The following RCOR1 variants were observed in gnomAD, a reference collection of about 807,000 sequenced individuals.
The protein encoded by RCOR1 is REST corepressor.
A neutral mutation model predicts 64.0 loss-of-function variants in RCOR1; 12 were observed. The observed-to-expected ratio is 0.19, with a 90% CI of 0.12 to 0.30. RCOR1 has a LOEUF of 0.30. Among genes scored for constraint, RCOR1 ranks in the 10% least tolerant of loss-of-function variants. RCOR1 has a pLI of 1.00. For missense variants in RCOR1, 502 were observed against 621.2 expected (o/e 0.81, Z 2.04); for synonymous variants, 279 against 227.2 (o/e 1.23, Z -2.05).
chr14:102,692,968 G>GT (rs1220220357), intron 3 of RCOR1, among the ~76,000 whole-genome samples: 1 of 151,940 alleles, frequency 6.6e-6, no homozygotes. Context: ...GTTTCACCAT[G>GT]TTGGCCAGGC....
chr14:102,662,542 C>T, intron 2 of RCOR1: 1 of 490,354 alleles, frequency 2.0e-6, no homozygotes, highest in Non-Finnish European at 4.0e-6. Flanking sequence ...ATTTGGGCTG[C>T]CCCTGGAGTC....
At chr14:102,686,140 G>A (rs1895413021) in intron 3 of RCOR1, among the ~76,000 whole-genome samples, 2 of 152,022 alleles carry the variant, frequency 1.3e-5, no homozygotes, top group Admixed American at 6.5e-5. Context: ...TGGCTCTGTT[G>A]TCCATGCTGG....
intron 2 of RCOR1, among the ~76,000 whole-genome samples, chr14:102,648,776 C>T (rs1455367473): frequency 6.6e-6 from 1 of 152,196 alleles, no homozygotes; most frequent in East Asian, 1.9e-4. Context: ...TCTTGGTTCT[C>T]ATCCTTAATA....
chr14:102,724,258 T>G (rs74084136), intron 11 of RCOR1, among the ~76,000 whole-genome samples: 1,553 of 152,302 alleles, frequency 0.01, 30 homozygotes, highest in African/African-American at 0.036. Flanking sequence ...TTTAGTTTCA[T>G]AGTCCTTATA....
Position 102,703,326 on chromosome 14 carries a change from A to G in RCOR1, c.498+1996A>G, listed in dbSNP as rs80231585. ...GAAATAATGGCCAAAAATTTCGCAA[A>G]TTTGTTGAAAGATGTGAATATAAAC... On this transcript the variant is annotated intron_variant, in intron 4 of 11. Coordinates refer to ENST00000262241, the MANE Select transcript of RCOR1 (RefSeq NM_015156.4). 6.1e-3 allele frequency among the ~76,000 whole-genome samples: 929 copies of G among 152,338 alleles called. 14 individuals are homozygous for G. Among genetic ancestry groups the G allele is most frequent in the African/African-American group, 0.021 (885 of 41,572 alleles).
At chr14:102,667,361 C>A (rs1260242196) in intron 2 of RCOR1, among the ~76,000 whole-genome samples, 1 of 151,822 alleles carries the variant, frequency 6.6e-6, no homozygotes, top group Non-Finnish European at 1.5e-5. Context: ...ACTAGCCGGG[C>A]GTGGTGGTGG....
intron 2 of RCOR1, among the ~76,000 whole-genome samples, chr14:102,635,275 G>A (rs796840919): frequency 3.7e-4 from 56 of 152,264 alleles, no homozygotes; most frequent in African/African-American, 1.3e-3. Flanking sequence ...CGGCCCAGGC[G>A]GGTGGATCAC....
intron 2 of RCOR1, chr14:102,658,593 C>A: frequency 1.0e-6 from 1 of 985,430 alleles, no homozygotes; most frequent in Non-Finnish European, 1.2e-6. Flanking sequence ...TACCCCCCAT[C>A]CTTTTCCTGT....
intron 2 of RCOR1, among the ~76,000 whole-genome samples, chr14:102,624,773 GAA>G (rs548109072): frequency 1.5e-5 from 2 of 136,046 alleles, no homozygotes; most frequent in African/African-American, 2.7e-5. Flanking sequence ...CTCCTCCTCA[GAA>G]AAAAAAAAAA....
intron 8 of RCOR1, among the ~76,000 whole-genome samples, chr14:102,717,549 T>C (rs1186454872): frequency 6.6e-6 from 1 of 152,178 alleles, no homozygotes; most frequent in Non-Finnish European, 1.5e-5. Context: ...ACAGAATATG[T>C]CTGGGCTACT....
chr14:102,672,516 G>A (rs1895050975), intron 2 of RCOR1, among the ~76,000 whole-genome samples: 1 of 152,016 alleles, frequency 6.6e-6, no homozygotes, highest in Non-Finnish European at 1.5e-5. Context: ...CCGGCCTCTG[G>A]GTTATATGAT....
chr14:102,641,133 T>G (rs1015133864), intron 2 of RCOR1, among the ~76,000 whole-genome samples: 1 of 152,020 alleles, frequency 6.6e-6, no homozygotes, highest in Non-Finnish European at 1.5e-5. Flanking sequence ...CGCGTGCCTG[T>G]GGTCCCAGCT....
intron 3 of RCOR1, among the ~76,000 whole-genome samples, chr14:102,683,997 C>T (rs894428029): frequency 9.2e-5 from 14 of 152,082 alleles, no homozygotes; most frequent in African/African-American, 3.1e-4. Context: ...TCCGCCCCAG[C>T]CCCCGCAGCT....
At chr14:102,622,866 G>A (rs1307963390) in intron 2 of RCOR1, among the ~76,000 whole-genome samples, 1 of 152,164 alleles carries the variant, frequency 6.6e-6, no homozygotes, top group African/African-American at 2.4e-5. Context: ...ATGCGCTCCT[G>A]ATTTTTGCTG....
chr14:102,599,189 T>G (rs1893333436), intron 2 of RCOR1, among the ~76,000 whole-genome samples: 1 of 152,068 alleles, frequency 6.6e-6, no homozygotes, highest in South Asian at 2.1e-4. Context: ...AGTGGTGTGA[T>G]CATGGCGGCA....
chr14:102,725,006 AT>A (rs1254111919), intron 11 of RCOR1, among the ~76,000 whole-genome samples: 1 of 152,330 alleles, frequency 6.6e-6, no homozygotes, highest in East Asian at 1.9e-4. Context: ...GTTATAGATT[AT>A]TTCCTTCAGG....
intron 2 of RCOR1, among the ~76,000 whole-genome samples, chr14:102,656,305 A>G (rs1011936974): frequency 5.3e-5 from 8 of 151,106 alleles, no homozygotes; most frequent in African/African-American, 1.9e-4. Flanking sequence ...ACACTCAGCT[A>G]ATTTTTGTAT....
intron 2 of RCOR1, among the ~76,000 whole-genome samples, chr14:102,654,465 T>C (rs1372476885): frequency 6.6e-6 from 1 of 152,156 alleles, no homozygotes; most frequent in East Asian, 1.9e-4. Flanking sequence ...GCTGTGGGTT[T>C]CCGATGACAC....
intron 8 of RCOR1, 79 bp downstream of exon 8, chr14:102,714,696 G>T: frequency 1.8e-6 from 2 of 1,123,218 alleles, no homozygotes; most frequent in Non-Finnish European, 2.5e-6. Context: ...ATATGTGAAT[G>T]TTCTCTTTCC....
Sources: allele counts gnomAD v4.1 joint callset (sites outside exome capture counted in the v4.1 genomes callset), GRCh38; gene constraint gnomAD v4.1.1; transcripts MANE v1.5; gene names NCBI Gene and HGNC (gene_info 2026-07-23, HGNC 2026-07-21).